Variants in CFAP251 observed in about 807,000 individuals in gnomAD.
CFAP251 encodes the protein cilia and flagella associated protein 251, also known as cilia- and flagella-associated protein 251.
Under a neutral mutation model 126.7 loss-of-function variants are expected in CFAP251, and 93 were observed. That is an observed-to-expected ratio of 0.73 (90% confidence interval 0.62 to 0.87). The LOEUF is 0.87. CFAP251 is among the 40% of genes least tolerant of loss of function. CFAP251 has a pLI of 0.00. For synonymous variants in CFAP251, 503 were observed against 506.9 expected (o/e 0.99, Z 0.10); for missense variants, 1,287 against 1,389.2 (o/e 0.93, Z 1.17).
chr12:121,977,592 G>A lies in CFAP251; in HGVS notation c.3006+1907G>A, dbSNP rs539362903. 5.5e-4 allele frequency among the ~76,000 whole-genome samples: 83 copies of A among 152,102 alleles called. 1 individual carries two copies. The highest frequency in any genetic ancestry group is 2.0e-3 in the Admixed American group (31 of 15,280). The stretch of plus-strand genomic sequence containing the variant: ...AGAGAATCGCTTGAACCCAGGAGGC[G>A]GAGGTTGCAGTGAGCCAAGATCACA... On this transcript the variant is annotated intron_variant, in intron 19 of 21. Transcript: ENST00000288912.
At chr12:121,967,243 G>A (rs1222075776) in intron 16 of CFAP251, among the ~76,000 whole-genome samples, 174 bp downstream of exon 16, 1 of 152,184 alleles carries the variant, frequency 6.6e-6, no homozygotes, top group African/African-American at 2.4e-5. Context: ...GAAGACTCTT[G>A]GGAGACATTT....
intron 3 of CFAP251, among the ~76,000 whole-genome samples, chr12:121,924,407 G>A (rs1289341753): frequency 7.0e-6 from 1 of 143,552 alleles, no homozygotes; most frequent in Non-Finnish European, 1.5e-5. Context: ...GAGCCACCAC[G>A]CCCGGCCTAG....
intron 14 of CFAP251, 34 bp from the exon 15 acceptor site, chr12:121,961,944 G>A (rs370215161): frequency 5.6e-6 from 9 of 1,599,722 alleles, no homozygotes; most frequent in Non-Finnish European, 2.6e-6. Flanking sequence ...ATTTGGCTTG[G>A]TCCTCATGTG....
intron 17 of CFAP251, chr12:121,969,511 G>A: frequency 1.0e-6 from 1 of 979,736 alleles, no homozygotes; most frequent in Non-Finnish European, 1.2e-6. Context: ...GTTGAGACAG[G>A]GTCTGGCTCA....
chr12:121,942,958 A>G lies in CFAP251; in HGVS notation c.1174A>G (p.Thr392Ala). 6.2e-7 allele frequency: 1 copy of G among 1,614,142 alleles called. No individual in the cohort carries two copies. The highest frequency in any genetic ancestry group is 8.5e-7 in the Non-Finnish European group (1 of 1,180,010). Residue 392 changes from threonine to alanine, a missense_variant, in exon 7 of 22, where the codon ACA becomes GCA. Thr to Ala is a moderately conservative substitution (Grantham distance 58, BLOSUM62 0). Coordinates refer to ENST00000288912, the MANE Select transcript of CFAP251 (RefSeq NM_144668.6). ...ETPACTLELPTEYGVQNYVTF... is the reference protein window; with the variant it reads ...ETPACTLELPAEYGVQNYVTF... ...GCCAGCATGCACTCTCGAACTCCCC[A>G]CAGAGTACGGTGTTCAGGTGAGTTC...
intron 3 of CFAP251, among the ~76,000 whole-genome samples, chr12:121,926,830 C>T (rs1264289817): frequency 6.6e-6 from 1 of 152,098 alleles, no homozygotes; most frequent in African/African-American, 2.4e-5. Context: ...GTAATCCCAG[C>T]TACTTAGGAG....
intron 19 of CFAP251, among the ~76,000 whole-genome samples, chr12:121,982,039 C>T (rs1272493043): frequency 2.0e-5 from 3 of 152,122 alleles, no homozygotes; most frequent in African/African-American, 4.8e-5. Context: ...TCTGTGGATC[C>T]GTGATTCCAG....
chr12:121,931,387 A>G (rs1880681813), intron 3 of CFAP251, among the ~76,000 whole-genome samples: 1 of 150,608 alleles, frequency 6.6e-6, no homozygotes, highest in Non-Finnish European at 1.5e-5. Flanking sequence ...ATCTCGGCTC[A>G]CTGCAACCTC....
intron 11 of CFAP251, 108 bp downstream of exon 11, chr12:121,957,376 C>A: frequency 8.9e-7 from 1 of 1,119,190 alleles, no homozygotes; most frequent in Non-Finnish European, 1.3e-6. Flanking sequence ...ATCTCCCTGG[C>A]TGATTGTGAT....
chr12:121,951,731 T>C (rs1430664784), intron 9 of CFAP251, among the ~76,000 whole-genome samples: 2 of 152,170 alleles, frequency 1.3e-5, no homozygotes, highest in Non-Finnish European at 2.9e-5. Context: ...AATAATTTTT[T>C]TTTTTGAGAC....
intron 17 of CFAP251, chr12:121,971,503 G>T (rs1882326599): frequency 2.9e-6 from 2 of 701,722 alleles, no homozygotes; most frequent in Non-Finnish European, 5.2e-6. Context: ...AGTTTTCTCA[G>T]GGCCGGGGCC....
intron 5 of CFAP251, among the ~76,000 whole-genome samples, chr12:121,938,918 C>A (rs1029641836): frequency 6.6e-6 from 1 of 151,622 alleles, no homozygotes; most frequent in South Asian, 2.1e-4. Context: ...ACCCAGGCGG[C>A]GGAGGTTGCA....
chr12:121,958,231 C>T, intron 11 of CFAP251, 41 bp from the exon 12 acceptor site: 1 of 1,609,102 alleles, frequency 6.2e-7, no homozygotes. Context: ...GCCCCATTCC[C>T]TGCAAACACT....
intron 19 of CFAP251, among the ~76,000 whole-genome samples, chr12:121,976,605 G>A (rs921249183): frequency 6.6e-6 from 1 of 152,168 alleles, no homozygotes; most frequent in Non-Finnish European, 1.5e-5. Context: ...CATGTAAACT[G>A]TTGTTTAAAG....
intron 4 of CFAP251, among the ~76,000 whole-genome samples, chr12:121,933,948 G>C (rs1043473290): frequency 3.9e-5 from 6 of 152,310 alleles, no homozygotes; most frequent in Non-Finnish European, 7.4e-5. Context: ...GGCTGGGGGA[G>C]GGGAGGACCC....
At chr12:121,938,566 G>T (rs993788402) in intron 5 of CFAP251, among the ~76,000 whole-genome samples, 1 of 150,548 alleles carries the variant, frequency 6.6e-6, no homozygotes, top group Non-Finnish European at 1.5e-5. Flanking sequence ...CTGGGCTCAA[G>T]TGATCCACCT....
chr12:121,953,049 A>G (rs746134530), intron 9 of CFAP251: 9 of 152,198 alleles, frequency 5.9e-5, no homozygotes, highest in Non-Finnish European at 1.3e-4. Flanking sequence ...ACTTTATTTA[A>G]TATATAACAT....
chr12:122,000,042 C>G, intron 20 of CFAP251, 98 bp downstream of exon 20: 1 of 1,133,532 alleles, frequency 8.8e-7, no homozygotes, highest in Non-Finnish European at 1.3e-6. Flanking sequence ...CTCCATCTTT[C>G]ATGAAAGAGG....
intron 5 of CFAP251, among the ~76,000 whole-genome samples, chr12:121,938,496 G>T (rs1304359411): frequency 1.3e-5 from 2 of 148,728 alleles, no homozygotes; most frequent in East Asian, 4.0e-4. Flanking sequence ...TAATTTTTTT[G>T]TATTTTTTTT....
Sources: allele counts gnomAD v4.1 joint callset (sites outside exome capture counted in the v4.1 genomes callset), GRCh38; gene constraint gnomAD v4.1.1; transcripts MANE v1.5; gene names NCBI Gene and HGNC (gene_info 2026-07-23, HGNC 2026-07-21).